The following PIAS2 variants were observed in gnomAD, a reference collection of about 807,000 sequenced individuals.
PIAS2 encodes E3 SUMO-protein ligase PIAS2.
Under a neutral mutation model 69.7 loss-of-function variants are expected in PIAS2, and 19 were observed. The observed-to-expected ratio is 0.27, with a 90% CI of 0.19 to 0.40. PIAS2 has a LOEUF of 0.40. PIAS2 is among the 10% of genes least tolerant of loss of function. The pLI is 1.00. For missense variants in PIAS2, 624 were observed against 757.0 expected, an observed-to-expected ratio of 0.82 and a Z score of 2.06; for synonymous variants, 261 against 263.2, an observed-to-expected ratio of 0.99 and a Z score of 0.08.
chr18:46,818,391 T>C, intron 12 of PIAS2: 2 of 1,584,774 alleles, frequency 1.3e-6, no homozygotes, highest in Non-Finnish European at 1.7e-6. Flanking sequence ...TGTTGCACAG[T>C]ATCAGAAGAT....
chr18:46,854,526 A>T (rs72907196), intron 5 of PIAS2, among the ~76,000 whole-genome samples: 7,051 of 152,286 alleles, frequency 0.046, 190 homozygotes, highest in Non-Finnish European at 0.065. Context: ...CAATTTAGTA[A>T]TGTATCCAAA....
intron 9 of PIAS2, among the ~76,000 whole-genome samples, chr18:46,832,394 C>A (rs549803256): frequency 2.0e-5 from 3 of 151,258 alleles, no homozygotes; most frequent in African/African-American, 7.3e-5. Context: ...CCAGCCTGGG[C>A]GACAGAGCGA....
rs1462556730 is a variant in PIAS2, at chr18:46,820,899, T to TA, written c.1648+33dup. 1.9e-6 allele frequency: 3 copies of TA among 1,574,356 alleles called. No individual in the cohort carries two copies. In the African/African-American group the frequency reaches 4.1e-5, roughly 22 times the overall value. ...AAGATTAAAAAAAATAAACTTTCAT[T>TA]AAAAAACAAAAGAAACAAAAACACT... On this transcript the variant is annotated intron_variant, in intron 12 of 13. Coordinates refer to ENST00000585916, the MANE Select transcript of PIAS2 (RefSeq NM_004671.5).
chr18:46,833,097 C>T lies in PIAS2; in HGVS notation c.1203-3230G>A, dbSNP rs190869082. On this transcript the variant is annotated intron_variant, in intron 9 of 13. Coordinates refer to ENST00000585916, the MANE Select transcript of PIAS2 (RefSeq NM_004671.5). ...TTTACCCAAGATAAATGAAAACAGT[C>T]CACACAAAGACTTGGGCATGAATGT... Among the ~76,000 whole-genome samples the T allele has an allele frequency of 9.2e-5, 14 of 152,230 alleles. No homozygotes were observed. The East Asian group carries it at 2.7e-3, about 29-fold the overall frequency.
intron 5 of PIAS2, chr18:46,852,915 C>G (rs2047185993): frequency 6.6e-6 from 1 of 152,218 alleles, no homozygotes; most frequent in Non-Finnish European, 1.5e-5. Context: ...CACCAAGAAG[C>G]CCTCCATAGT....
Position 46,877,760 on chromosome 18 carries a change from G to A in PIAS2, c.499+12820C>T, listed in dbSNP as rs539268037. ...TCCCTACTTTGTTTGGTGTGCTCTC[G>A]CAGTGGCCAAAAGTGCAAGCAGCAC... On this transcript the variant is annotated intron_variant, in intron 2 of 13. Transcript: ENST00000585916. Among the ~76,000 whole-genome samples, 26 of 152,254 alleles carry A rather than the reference G, an allele frequency of 1.7e-4. 1 individual carries two copies. The South Asian group carries it at 5.0e-3, about 29-fold the overall frequency.
chr18:46,860,421 A>G (rs1275539673), intron 3 of PIAS2, among the ~76,000 whole-genome samples: 1 of 152,232 alleles, frequency 6.6e-6, no homozygotes, highest in African/African-American at 2.4e-5. Flanking sequence ...GAGAGAAACC[A>G]GGGCTCCCTG....
At chr18:46,830,143 C>G (rs1650825042) in intron 9 of PIAS2, among the ~76,000 whole-genome samples, 1 of 152,064 alleles carries the variant, frequency 6.6e-6, no homozygotes, top group African/African-American at 2.4e-5. Flanking sequence ...ATACCTGGAG[C>G]CTCCTAGCTG....
chr18:46,847,440 G>T (rs1350737221), intron 5 of PIAS2, among the ~76,000 whole-genome samples: 1 of 151,280 alleles, frequency 6.6e-6, no homozygotes, highest in East Asian at 1.9e-4. Context: ...TCAAAATACT[G>T]CTATTTATGC....
chr18:46,878,816 G>A (rs536613093), intron 2 of PIAS2, among the ~76,000 whole-genome samples: 4 of 152,254 alleles, frequency 2.6e-5, no homozygotes, highest in South Asian at 4.2e-4. Context: ...TGCAGTGAGC[G>A]GAGATCACAC....
At chr18:46,870,338 G>A (rs565602980) in intron 2 of PIAS2, among the ~76,000 whole-genome samples, 5 of 152,184 alleles carry the variant, frequency 3.3e-5, no homozygotes, top group East Asian at 3.9e-4. Flanking sequence ...ACTCAAGACC[G>A]GGTGCAGTGG....
chr18:46,907,047 T>G (rs2056705505), intron 1 of PIAS2, among the ~76,000 whole-genome samples: 1 of 152,086 alleles, frequency 6.6e-6, no homozygotes, highest in South Asian at 2.1e-4. Flanking sequence ...AAGGAGAGCC[T>G]GCAAAGCTGA....
intron 2 of PIAS2, among the ~76,000 whole-genome samples, chr18:46,874,748 C>T (rs530338613): frequency 1.3e-5 from 2 of 152,314 alleles, no homozygotes; most frequent in African/African-American, 4.8e-5. Context: ...CTTAGTCTGT[C>T]TTCCACTTTC....
At chr18:46,853,212 A>G (rs1450621219) in intron 5 of PIAS2, 2 of 150,036 alleles carry the variant, frequency 1.3e-5, no homozygotes, top group African/African-American at 4.9e-5. Flanking sequence ...CTAGGAGGCT[A>G]AGACTGCAGA....
In PIAS2 at chr18:46,805,824, G is replaced by A. The variant is rs551445408; in HGVS notation, c.*6609C>T. 6.6e-6 allele frequency: 1 copy of A among 152,318 alleles called. No individual in the cohort carries two copies. Among genetic ancestry groups the A allele is most frequent in the East Asian group, 1.9e-4 (1 of 5,184 alleles). The allele number at this position is 152,318 out of a possible 1,614,324, so 9.4% of individuals were successfully genotyped here. A position where few individuals can be genotyped will look rare whatever the true frequency, so the allele number is the denominator to read the frequency against. On this transcript the variant is annotated 3_prime_UTR_variant, in exon 14 of 14. Transcript: ENST00000585916. ...TTGTACTTTTATTTAAAAGACTGCA[G>A]AAAAACCAGGAATGAGCCTCATGGA...
At chr18:46,902,763 C>T (rs1219908353) in intron 1 of PIAS2, among the ~76,000 whole-genome samples, 2 of 151,994 alleles carry the variant, frequency 1.3e-5, no homozygotes, top group African/African-American at 4.8e-5. Flanking sequence ...AATAGAACAG[C>T]CAAAACAATT....
intron 1 of PIAS2, among the ~76,000 whole-genome samples, chr18:46,901,749 A>C (rs1468998386): frequency 6.6e-6 from 1 of 152,216 alleles, no homozygotes; most frequent in Non-Finnish European, 1.5e-5. Context: ...AAAACCCTCA[A>C]AAACAAGAAT....
At chr18:46,821,388 G>A (rs1471407254) in intron 11 of PIAS2, among the ~76,000 whole-genome samples, 4 of 152,106 alleles carry the variant, frequency 2.6e-5, no homozygotes, top group Admixed American at 2.6e-4. Context: ...TAATATGTAT[G>A]TAATATGTAT....
At chr18:46,877,122 T>C (rs2145804704) in intron 2 of PIAS2, among the ~76,000 whole-genome samples, 1 of 152,346 alleles carries the variant, frequency 6.6e-6, no homozygotes, top group Middle Eastern at 3.4e-3. Context: ...TCATACCCTG[T>C]GCCAGAAGCC....
Sources: gnomAD v4.1 joint callset for allele counts (sites outside exome capture counted in the v4.1 genomes callset) on GRCh38, gnomAD v4.1.1 for gene constraint, MANE v1.5 for transcripts, NCBI Gene and HGNC (gene_info 2026-07-23, HGNC 2026-07-21) for gene names.